The following NKAIN2 variants were observed in gnomAD, a reference collection of about 807,000 sequenced individuals.
The protein encoded by NKAIN2 is sodium/potassium-transporting ATPase subunit beta-1-interacting protein 2.
A neutral mutation model predicts 32.6 loss-of-function variants in NKAIN2; 14 were observed. That is an observed-to-expected ratio of 0.43 (90% CI 0.28 to 0.67). The LOEUF is 0.67. Among genes scored for constraint, NKAIN2 ranks in the 30% least tolerant of loss-of-function variants. NKAIN2 has a pLI of 0.17. For missense variants in NKAIN2, 198 were observed against 258.3 expected (o/e 0.77, Z 1.60); for synonymous variants, 80 against 87.2 (o/e 0.92, Z 0.46).
At chr6:123,904,689 C>T (rs1369365375) in intron 1 of NKAIN2, among the ~76,000 whole-genome samples, 1 of 152,160 alleles carries the variant, frequency 6.6e-6, no homozygotes, top group Non-Finnish European at 1.5e-5. Flanking sequence ...TGTCCATGAA[C>T]CTGATACATA....
chr6:124,133,664 T>C (rs1786587643), intron 1 of NKAIN2, among the ~76,000 whole-genome samples: 1 of 152,138 alleles, frequency 6.6e-6, no homozygotes, highest in Admixed American at 6.5e-5. Context: ...ATCCCCATCA[T>C]TACAACTCCA....
At chr6:124,644,114 A>G (rs1258263250) in intron 3 of NKAIN2, among the ~76,000 whole-genome samples, 2 of 152,176 alleles carry the variant, frequency 1.3e-5, no homozygotes, top group Non-Finnish European at 2.9e-5. Context: ...TTTAGTGCTA[A>G]TAACAGCTTT....
chr6:124,094,537 A>G (rs1165980543), intron 1 of NKAIN2, among the ~76,000 whole-genome samples: 1 of 152,156 alleles, frequency 6.6e-6, no homozygotes, highest in Non-Finnish European at 1.5e-5. Context: ...AGAATGAGGT[A>G]AGAAGAGTAA....
chr6:124,270,927 C>T (rs914997595), intron 1 of NKAIN2, among the ~76,000 whole-genome samples: 6 of 152,174 alleles, frequency 3.9e-5, no homozygotes, highest in Non-Finnish European at 8.8e-5. Context: ...ATCCATTTGG[C>T]TTTGTGTCCC....
intron 3 of NKAIN2, among the ~76,000 whole-genome samples, chr6:124,611,298 G>A (rs1222712687): frequency 2.6e-5 from 4 of 152,104 alleles, no homozygotes; most frequent in Admixed American, 6.5e-5. Context: ...AGAAGAAAGA[G>A]ATTAAGAAAA....
intron 3 of NKAIN2, among the ~76,000 whole-genome samples, chr6:124,430,075 C>T (rs1478857031): frequency 6.6e-6 from 1 of 152,038 alleles, no homozygotes; most frequent in Non-Finnish European, 1.5e-5. Context: ...TCTGCAACAA[C>T]CCAAGAGATC....
At chr6:124,717,238 A>G (rs1775797226) in intron 4 of NKAIN2, among the ~76,000 whole-genome samples, 1 of 152,230 alleles carries the variant, frequency 6.6e-6, no homozygotes, top group South Asian at 2.1e-4. Context: ...TATAAATTGT[A>G]GCACTATTAA....
intron 1 of NKAIN2, among the ~76,000 whole-genome samples, chr6:124,118,316 G>A (rs1055286909): frequency 2.0e-5 from 3 of 152,190 alleles, no homozygotes; most frequent in South Asian, 2.1e-4. Context: ...AACAACACTA[G>A]GAAACTCAAA....
intron 4 of NKAIN2, among the ~76,000 whole-genome samples, chr6:124,669,702 T>C (rs1255910208): frequency 6.6e-6 from 1 of 152,096 alleles, no homozygotes; most frequent in African/African-American, 2.4e-5. Flanking sequence ...TTTTTCTTCT[T>C]CCCTCTTTCT....
At chr6:124,366,699 G>C (rs1342216455) in intron 3 of NKAIN2, among the ~76,000 whole-genome samples, 1 of 152,028 alleles carries the variant, frequency 6.6e-6, no homozygotes, top group African/African-American at 2.4e-5. Flanking sequence ...AACTTTGGGA[G>C]GCTGAGGTGG....
intron 1 of NKAIN2, among the ~76,000 whole-genome samples, chr6:123,911,813 A>G (rs1775214069): frequency 3.7e-5 from 1 of 27,102 alleles, no homozygotes; most frequent in Non-Finnish European, 6.9e-5. Context: ...ATATATATAT[A>G]CACACACACA....
chr6:123,811,545 A>G (rs1027187769), intron 1 of NKAIN2, among the ~76,000 whole-genome samples: 1 of 72,634 alleles, frequency 1.4e-5, no homozygotes, highest in Non-Finnish European at 2.3e-5. Flanking sequence ...GGGTGACTAA[A>G]TAACTATGAC....
intron 3 of NKAIN2, among the ~76,000 whole-genome samples, chr6:124,479,496 G>A (rs146749745): frequency 2.1e-4 from 32 of 152,238 alleles, no homozygotes; most frequent in African/African-American, 7.5e-4. Context: ...TGCCCTGTCT[G>A]CATCCTTCAG....
At chr6:124,754,331 C>T (rs764763863) in intron 4 of NKAIN2, among the ~76,000 whole-genome samples, 1 of 152,058 alleles carries the variant, frequency 6.6e-6, no homozygotes, top group Non-Finnish European at 1.5e-5. Context: ...TTGAGTTCAT[C>T]ACATCCTTTA....
intron 3 of NKAIN2, among the ~76,000 whole-genome samples, chr6:124,609,782 C>T (rs1240017857): frequency 1.3e-5 from 2 of 151,970 alleles, no homozygotes; most frequent in African/African-American, 2.4e-5. Context: ...CAAAAGGTAC[C>T]GTAAATAGAC....
At chr6:124,657,307 T>A (rs930985647) in intron 3 of NKAIN2, among the ~76,000 whole-genome samples, 1 of 152,166 alleles carries the variant, frequency 6.6e-6, no homozygotes, top group East Asian at 1.9e-4. Context: ...AGAACTTATC[T>A]TCCTTCATGA....
At chr6:124,492,423 T>C (rs1380516135) in intron 3 of NKAIN2, among the ~76,000 whole-genome samples, 1 of 151,958 alleles carries the variant, frequency 6.6e-6, no homozygotes, top group Non-Finnish European at 1.5e-5. Flanking sequence ...AAATGTTAGA[T>C]AAAATCTTCA....
chr6:124,395,921 T>G (rs1266183627), intron 3 of NKAIN2, among the ~76,000 whole-genome samples: 2 of 152,162 alleles, frequency 1.3e-5, no homozygotes, highest in African/African-American at 4.8e-5. Context: ...GCTCATTTAT[T>G]CTTTAACTGT....
intron 3 of NKAIN2, among the ~76,000 whole-genome samples, chr6:124,581,618 AT>A (rs1433087375): frequency 6.6e-6 from 1 of 152,138 alleles, no homozygotes; most frequent in African/African-American, 2.4e-5. Context: ...CCACAAAAAA[AT>A]CTTAAAAATG....
Sources: gnomAD v4.1 joint callset for allele counts (sites outside exome capture counted in the v4.1 genomes callset) on GRCh38, gnomAD v4.1.1 for gene constraint, MANE v1.5 for transcripts, NCBI Gene and HGNC (gene_info 2026-07-23, HGNC 2026-07-21) for gene names.